The following NALF1 variants were observed in gnomAD, a reference collection of about 807,000 sequenced individuals.
NALF1 encodes family with sequence similarity 155 member A.
A neutral mutation model predicts 48.4 loss-of-function variants in NALF1; 3 were observed. The observed-to-expected ratio is 0.06, with a 90% CI of 0.03 to 0.16. NALF1 has a LOEUF of 0.16. Among genes scored for constraint, NALF1 ranks in the 10% least tolerant of loss-of-function variants. NALF1 has a pLI of 1.00. For synonymous variants in NALF1, 262 were observed against 245.7 expected (o/e 1.07, Z -0.62); for missense variants, 526 against 571.5 (o/e 0.92, Z 0.81).
chr13:107,261,847 T>A, intron 1 of NALF1, among the ~76,000 whole-genome samples: 1 of 152,028 alleles, frequency 6.6e-6, no homozygotes, highest in Admixed American at 6.6e-5. Flanking sequence ...ATAAATATAT[T>A]AGAAAGGAAT....
At chr13:107,249,252 G>A (rs1367793692) in intron 1 of NALF1, among the ~76,000 whole-genome samples, 1 of 152,060 alleles carries the variant, frequency 6.6e-6, no homozygotes, top group Non-Finnish European at 1.5e-5. Flanking sequence ...TTTGCATTCA[G>A]TCACAGTTTT....
intron 1 of NALF1, among the ~76,000 whole-genome samples, chr13:107,297,298 G>C (rs1184045876): frequency 6.6e-6 from 1 of 152,118 alleles, no homozygotes; most frequent in Non-Finnish European, 1.5e-5. Context: ...ATGTTTGCTA[G>C]AATGTTTTAG....
At chr13:107,292,559 A>G (rs890990097) in intron 1 of NALF1, among the ~76,000 whole-genome samples, 1 of 152,174 alleles carries the variant, frequency 6.6e-6, no homozygotes, top group Admixed American at 6.5e-5. Context: ...AGGCCTACAC[A>G]GGGTCAGGTC....
rs77088742 is a variant in NALF1 at position 107,584,316 on chromosome 13, G to C, written c.915+281366C>G. 1.2e-3 allele frequency among the ~76,000 whole-genome samples: 179 copies of C among 152,302 alleles called. 1 individual carries two copies. Among genetic ancestry groups the C allele is most frequent in the African/African-American group, 3.7e-3 (153 of 41,570 alleles). ...AAACTGTGATTTGGAAAGTTGGATA[G>C]TCTAAAGCTATCACTAATAAGCAAG... On this transcript the variant is annotated intron_variant, in intron 1 of 2. Coordinates refer to ENST00000375915, the MANE Select transcript of NALF1 (RefSeq NM_001080396.3).
At chr13:107,342,577 A>G (rs1236753172) in intron 1 of NALF1, among the ~76,000 whole-genome samples, 1 of 152,196 alleles carries the variant, frequency 6.6e-6, no homozygotes, top group Non-Finnish European at 1.5e-5. Flanking sequence ...AATACACAGC[A>G]TATGCAGATG....
intron 1 of NALF1, among the ~76,000 whole-genome samples, chr13:107,275,844 G>C (rs1438300846): frequency 6.6e-6 from 1 of 152,144 alleles, no homozygotes; most frequent in African/African-American, 2.4e-5. Context: ...GCATGAAAAT[G>C]CTGGCTGAGC....
At chr13:107,588,954 C>A (rs960487359) in intron 1 of NALF1, among the ~76,000 whole-genome samples, 1 of 152,068 alleles carries the variant, frequency 6.6e-6, no homozygotes, top group Non-Finnish European at 1.5e-5. Flanking sequence ...AAGGTTAAGA[C>A]ACATTTCTGC....
intron 1 of NALF1, among the ~76,000 whole-genome samples, chr13:107,473,688 T>G (rs1017262731): frequency 6.6e-6 from 1 of 152,108 alleles, no homozygotes; most frequent in Admixed American, 6.5e-5. Context: ...CAGATTTAGA[T>G]TCTCATAGTC....
chr13:107,367,541 G>C (rs1398685621), intron 1 of NALF1, among the ~76,000 whole-genome samples: 2 of 152,168 alleles, frequency 1.3e-5, no homozygotes, highest in Non-Finnish European at 2.9e-5. Flanking sequence ...ATTAATTACA[G>C]AAGTGGCCTG....
intron 1 of NALF1, among the ~76,000 whole-genome samples, chr13:107,563,588 G>A (rs1489139255): frequency 5.3e-5 from 8 of 152,168 alleles, no homozygotes; most frequent in African/African-American, 9.7e-5. Flanking sequence ...AGATTGTGAC[G>A]TATCCTGCAG....
At chr13:107,863,487 A>C (rs1057145346) in intron 1 of NALF1, among the ~76,000 whole-genome samples, 1 of 152,184 alleles carries the variant, frequency 6.6e-6, no homozygotes, top group Admixed American at 6.5e-5. Flanking sequence ...GTTTACAAGA[A>C]ACCACAACAA....
intron 1 of NALF1, among the ~76,000 whole-genome samples, chr13:107,467,052 C>A (rs1347695183): frequency 6.6e-6 from 1 of 152,172 alleles, no homozygotes; most frequent in African/African-American, 2.4e-5. Flanking sequence ...AAAGATTTTA[C>A]TTCCCCACCA....
At chr13:107,179,940 G>C (rs551292253) in intron 2 of NALF1, among the ~76,000 whole-genome samples, 2 of 142,296 alleles carry the variant, frequency 1.4e-5, no homozygotes, top group Non-Finnish European at 3.0e-5. Context: ...TTGGATCCCA[G>C]GCCCACCGCA....
chr13:107,378,884 T>C (rs778482944), intron 1 of NALF1, among the ~76,000 whole-genome samples: 13 of 152,162 alleles, frequency 8.5e-5, no homozygotes, highest in Non-Finnish European at 1.6e-4. Context: ...TGAGGTGTTA[T>C]GGACAGAAAA....
chr13:107,652,332 G>A (rs1404024552), intron 1 of NALF1, among the ~76,000 whole-genome samples: 1 of 152,088 alleles, frequency 6.6e-6, no homozygotes, highest in East Asian at 1.9e-4. Context: ...TGTGCTTAAT[G>A]ACTTTTAACA....
At chr13:107,585,833 TA>T (rs1181575887) in intron 1 of NALF1, among the ~76,000 whole-genome samples, 2 of 152,194 alleles carry the variant, frequency 1.3e-5, no homozygotes, top group African/African-American at 4.8e-5. Flanking sequence ...TTCATTAACT[TA>T]ATCACTCATT....
At chr13:107,470,459 A>G (rs186249078) in intron 1 of NALF1, among the ~76,000 whole-genome samples, 1 of 152,316 alleles carries the variant, frequency 6.6e-6, no homozygotes. Flanking sequence ...AAATCCAGGG[A>G]AGTCACGAAG....
chr13:107,530,824 T>C (rs1295183519), intron 1 of NALF1, among the ~76,000 whole-genome samples: 3 of 152,112 alleles, frequency 2.0e-5, no homozygotes, highest in African/African-American at 7.2e-5. Context: ...CTAAGTTATA[T>C]ATGAACTATT....
intron 1 of NALF1, among the ~76,000 whole-genome samples, chr13:107,271,305 G>A (rs1881159709): frequency 6.6e-6 from 1 of 152,164 alleles, no homozygotes; most frequent in Non-Finnish European, 1.5e-5. Context: ...AGAAGAGGAA[G>A]TTAGAAAGAG....
Sources: gnomAD v4.1 joint callset for allele counts (sites outside exome capture counted in the v4.1 genomes callset) on GRCh38, gnomAD v4.1.1 for gene constraint, MANE v1.5 for transcripts, NCBI Gene and HGNC (gene_info 2026-07-23, HGNC 2026-07-21) for gene names.